Variants in CEP63 observed in about 807,000 individuals in gnomAD.
The protein encoded by CEP63 is centrosomal protein of 63 kDa.
CEP63 carries 84 observed loss-of-function variants against 89.1 expected under a neutral mutation model. That is an observed-to-expected ratio of 0.94 (90% CI 0.79 to 1.13). The LOEUF (loss-of-function observed/expected upper bound fraction) is 1.13, where lower values mean the gene tolerates loss of function less well. Among genes scored for constraint, CEP63 ranks in the 50% most tolerant of loss-of-function variants. The pLI is 0.00. For missense variants in CEP63, 838 were observed against 813.3 expected, an observed-to-expected ratio of 1.03 and a Z score of -0.37; for synonymous variants, 267 against 272.5, an observed-to-expected ratio of 0.98 and a Z score of 0.20.
At chr3:134,701,073 A>G in the CEP63 span, among the ~76,000 whole-genome samples, 1 of 151,480 alleles carries the variant, frequency 6.6e-6, no homozygotes, top group Non-Finnish European at 1.5e-5. Flanking sequence ...AAGAGGACAC[A>G]TGTGTTCAAT....
the CEP63 span, among the ~76,000 whole-genome samples, chr3:134,743,995 C>G: frequency 6.6e-6 from 1 of 152,196 alleles, no homozygotes; most frequent in African/African-American, 2.4e-5. Flanking sequence ...TTCTGTTGGA[C>G]CATGCTGAAC....
chr3:134,489,589 G>C (rs1373628334), intron 1 of CEP63, among the ~76,000 whole-genome samples: 1 of 152,162 alleles, frequency 6.6e-6, no homozygotes, highest in African/African-American at 2.4e-5. Context: ...TATATTGCCT[G>C]TATCCGTTAT....
chr3:134,559,719 TG>T (rs199961607), intron 14 of CEP63, among the ~76,000 whole-genome samples: 2,617 of 152,320 alleles, frequency 0.017, 28 homozygotes, highest in Non-Finnish European at 0.022. Context: ...TCTTCTGGAA[TG>T]GTTAGTTCAA....
the CEP63 span, among the ~76,000 whole-genome samples, chr3:134,738,690 C>T: frequency 6.6e-6 from 1 of 151,960 alleles, no homozygotes; most frequent in Non-Finnish European, 1.5e-5. Context: ...GTGATGGGTG[C>T]ACAAAAATCT....
the CEP63 span, among the ~76,000 whole-genome samples, chr3:134,668,741 T>C: frequency 1.3e-5 from 2 of 152,222 alleles, no homozygotes; most frequent in Admixed American, 1.3e-4. Context: ...CACTCACATC[T>C]TGTAGATTTC....
chr3:134,768,262 G>A, the CEP63 span, among the ~76,000 whole-genome samples: 1 of 152,130 alleles, frequency 6.6e-6, no homozygotes, highest in Non-Finnish European at 1.5e-5. Flanking sequence ...TGGACTAAAG[G>A]CAGTGAGCCT....
chr3:134,760,657 A>G, the CEP63 span, among the ~76,000 whole-genome samples: 1 of 152,352 alleles, frequency 6.6e-6, no homozygotes, highest in Admixed American at 6.5e-5. Context: ...TGACAATGAC[A>G]TGATGCTGGG....
the CEP63 span, among the ~76,000 whole-genome samples, chr3:134,731,329 A>G: frequency 6.6e-6 from 1 of 152,224 alleles, no homozygotes; most frequent in Non-Finnish European, 1.5e-5. Context: ...CAAGCACACA[A>G]GAATCAAGTA....
intron 1 of CEP63, among the ~76,000 whole-genome samples, chr3:134,492,801 G>T (rs988606620): frequency 6.6e-6 from 1 of 152,012 alleles, no homozygotes; most frequent in Admixed American, 6.6e-5. Flanking sequence ...TATAAAGGTT[G>T]CACATCGATT....
At chr3:134,576,303 T>C (rs2110309821), downstream of CEP63, among the ~76,000 whole-genome samples, 1 of 152,360 alleles carries the variant, frequency 6.6e-6, no homozygotes, top group East Asian at 1.9e-4. Context: ...AGTTTATCCA[T>C]TTATTAATTC....
At chr3:134,512,670 G>A (rs1378388830) in intron 3 of CEP63, among the ~76,000 whole-genome samples, 1 of 152,110 alleles carries the variant, frequency 6.6e-6, no homozygotes, top group Non-Finnish European at 1.5e-5. Context: ...TGTTTCCAAG[G>A]AAGCTTTTTT....
chr3:134,503,975 C>T (rs561560853), intron 2 of CEP63, among the ~76,000 whole-genome samples: 59 of 152,208 alleles, frequency 3.9e-4, no homozygotes, highest in African/African-American at 1.4e-3. Flanking sequence ...GGAATTTAAA[C>T]CATTTACATT....
chr3:134,579,015 C>T (rs897288400), downstream of CEP63, among the ~76,000 whole-genome samples: 1 of 152,220 alleles, frequency 6.6e-6, no homozygotes, highest in African/African-American at 2.4e-5. Context: ...GCCTTGGCCT[C>T]CCAAAGTGCT....
chr3:134,495,124 T>A (rs115895967), intron 1 of CEP63, among the ~76,000 whole-genome samples, 172 bp from the exon 2 acceptor site: 1,713 of 152,352 alleles, frequency 0.011, 20 homozygotes, highest in South Asian at 0.018. Flanking sequence ...CGAAATAGTT[T>A]GTTCCTAGTA....
chr3:134,664,879 C>A, the CEP63 span, among the ~76,000 whole-genome samples: 9 of 152,108 alleles, frequency 5.9e-5, no homozygotes, highest in Non-Finnish European at 5.9e-5. Flanking sequence ...ATAAAGGGTT[C>A]CTTGACATCT....
intron 9 of CEP63, among the ~76,000 whole-genome samples, chr3:134,548,412 A>G (rs1461056518): frequency 6.6e-6 from 1 of 152,170 alleles, no homozygotes; most frequent in African/African-American, 2.4e-5. Flanking sequence ...CTAATGCTAT[A>G]CCATACCCAC....
At chr3:134,628,563 AT>A in the CEP63 span, among the ~76,000 whole-genome samples, 1 of 152,160 alleles carries the variant, frequency 6.6e-6, no homozygotes, top group African/African-American at 2.4e-5. Context: ...ACAGTGCTCC[AT>A]TTATTTCTCA....
the CEP63 span, among the ~76,000 whole-genome samples, chr3:134,715,541 T>C: frequency 6.7e-6 from 1 of 149,774 alleles, no homozygotes. Flanking sequence ...TTTTTTTGTT[T>C]TTTCCTCTCT....
chr3:134,740,898 GACA>G, the CEP63 span, among the ~76,000 whole-genome samples: 3 of 152,142 alleles, frequency 2.0e-5, no homozygotes, highest in South Asian at 2.1e-4. Flanking sequence ...TTTAATATTT[GACA>G]ACATCTTCCA....
Sources: allele counts gnomAD v4.1 joint callset (sites outside exome capture counted in the v4.1 genomes callset), GRCh38; gene constraint gnomAD v4.1.1; transcripts MANE v1.5; gene names NCBI Gene and HGNC (gene_info 2026-07-23, HGNC 2026-07-21).